The following CFAP47 variants were observed in gnomAD, a reference collection of about 807,000 sequenced individuals.
CFAP47 encodes the protein cilia- and flagella-associated protein 47.
In CFAP47, 29 loss-of-function variants were observed where a neutral mutation model predicts 148.1. The observed-to-expected ratio is 0.20, with a 90% confidence interval of 0.15 to 0.27. CFAP47 has a LOEUF of 0.27. CFAP47 is among the 10% of genes least tolerant of loss of function. CFAP47 has a pLI of 1.00. For synonymous variants in CFAP47, 664 were observed against 577.3 expected, an observed-to-expected ratio of 1.15 and a Z score of -2.15; for missense variants, 1,872 against 1,697.5, an observed-to-expected ratio of 1.10 and a Z score of -1.81.
intron 26 of CFAP47, among the ~76,000 whole-genome samples, chrX:36,056,818 T>C: frequency 8.9e-6 from 1 of 111,998 alleles, no homozygotes; most frequent in East Asian, 2.8e-4. Flanking sequence ...CTCTTTTAAC[T>C]GATTAAGACA....
chrX:35,998,598 A>T (rs1161801440), intron 19 of CFAP47, among the ~76,000 whole-genome samples: 2 of 111,784 alleles, frequency 1.8e-5, no homozygotes, highest in African/African-American at 6.5e-5. Flanking sequence ...TTGCTGCCTC[A>T]GGTAGGGGGC....
chrX:36,353,547 C>G lies in CFAP47; in HGVS notation c.8717C>G (p.Ser2906Cys), dbSNP rs1407952389. The G allele has an allele frequency of 8.6e-7, 1 of 1,162,476 alleles. No individual in the cohort carries two copies. The highest frequency in any genetic ancestry group is 1.1e-6 in the Non-Finnish European group (1 of 870,481). ...KSPPVVIQCQ[S>C]RKRAEEKVEI... ...CCTGCAGTTGTCATACAATGTCAGT[C>G]CAGGAAGCGGGCAGAAGAGAAGGTA... Residue 2906 changes from serine (S) to cysteine (C), a missense_variant, in exon 60 of 64, where the codon TCC becomes TGC. Coordinates refer to ENST00000378653, the MANE Select transcript of CFAP47 (RefSeq NM_001304548.2).
chrX:35,930,551 T>G (rs1935811892), intron 2 of CFAP47, among the ~76,000 whole-genome samples: 1 of 111,572 alleles, frequency 9.0e-6, no homozygotes, highest in Non-Finnish European at 1.9e-5. Context: ...AATGGTAGAA[T>G]TCTCTAGTGG....
intron 36 of CFAP47, among the ~76,000 whole-genome samples, chrX:36,146,426 C>T (rs998774410): frequency 9.0e-6 from 1 of 111,715 alleles, no homozygotes; most frequent in Non-Finnish European, 1.9e-5. Flanking sequence ...TTTATTTTCT[C>T]ATTTTATTAT....
rs1569324411 is a variant in CFAP47 at position 36,353,751 on chromosome X, C to T, written c.8851+70C>T. The T allele has an allele frequency of 2.4e-5, 20 of 827,624 alleles. No homozygotes were observed. In the East Asian group the frequency reaches 4.6e-4, roughly 19 times the overall value. The allele number at this position is 827,624 out of a possible 1,213,427, so 68.2% of individuals were successfully genotyped here. On this transcript the variant is annotated intron_variant, in intron 60 of 63. Coordinates refer to ENST00000378653, the MANE Select transcript of CFAP47 (RefSeq NM_001304548.2). ...CTTAGTTTCCATGAATTGCAGGTTG[C>T]TGATTGTGCAGTTACATTAAGATCC...
At chrX:36,332,925 G>C (rs782357191) in intron 57 of CFAP47, among the ~76,000 whole-genome samples, 1 of 112,055 alleles carries the variant, frequency 8.9e-6, no homozygotes, top group Admixed American at 9.4e-5. Flanking sequence ...ATATACATAG[G>C]TTTAGGTAAT....
At chrX:36,065,606 T>A (rs1278779070) in intron 26 of CFAP47, 37 bp from the exon 27 acceptor site, 2 of 880,853 alleles carry the variant, frequency 2.3e-6, no homozygotes, top group Non-Finnish European at 3.3e-6. Flanking sequence ...GCATCTGAAA[T>A]TTTTATTGTA....
intron 27 of CFAP47, among the ~76,000 whole-genome samples, chrX:36,066,319 C>T (rs912814139): frequency 1.7e-4 from 11 of 64,945 alleles, no homozygotes; most frequent in African/African-American, 6.6e-4. Context: ...ATTTTCAGTG[C>T]TGAATTAGAG....
chrX:36,215,803 A>G, intron 45 of CFAP47, among the ~76,000 whole-genome samples: 1 of 111,491 alleles, frequency 9.0e-6, no homozygotes, highest in East Asian at 2.8e-4. Flanking sequence ...AATACTAGGG[A>G]CAATAGAGGC....
At chrX:36,263,178 G>C (rs1940850326) in intron 49 of CFAP47, among the ~76,000 whole-genome samples, 1 of 111,870 alleles carries the variant, frequency 8.9e-6, no homozygotes, top group Non-Finnish European at 1.9e-5. Flanking sequence ...TCACTTTGTT[G>C]ATAGTTTCTT....
chrX:36,174,651 A>G (rs1372206056), intron 39 of CFAP47, among the ~76,000 whole-genome samples: 6 of 110,716 alleles, frequency 5.4e-5, no homozygotes, highest in East Asian at 5.6e-4. Flanking sequence ...TGGCTTGTAG[A>G]GTTTCTGCCG....
chrX:36,164,865 G>A (rs974945473), intron 39 of CFAP47, among the ~76,000 whole-genome samples: 7 of 111,100 alleles, frequency 6.3e-5, no homozygotes, highest in African/African-American at 2.3e-4. Flanking sequence ...GTTAACTATT[G>A]GCACTATATT....
intron 46 of CFAP47, among the ~76,000 whole-genome samples, chrX:36,235,186 C>T (rs189425632): frequency 1.1e-3 from 126 of 111,781 alleles, no homozygotes; most frequent in African/African-American, 3.8e-3. Context: ...GAGGTTACTG[C>T]TGTCTTTTTG....
At chrX:36,306,975 A>C (rs1556008982) in intron 55 of CFAP47, 99 bp downstream of exon 55, 1 of 355,246 alleles carries the variant, frequency 2.8e-6, no homozygotes, top group Non-Finnish European at 4.5e-6. Flanking sequence ...CATATTTTGC[A>C]AGTAAAACAA....
intron 30 of CFAP47, among the ~76,000 whole-genome samples, chrX:36,092,278 G>T (rs1938198759): frequency 9.0e-6 from 1 of 111,151 alleles, no homozygotes; most frequent in South Asian, 3.7e-4. Context: ...AATAGATAAT[G>T]AATTACCTTA....
intron 33 of CFAP47, among the ~76,000 whole-genome samples, chrX:36,117,812 T>C (rs1938667191): frequency 1.8e-5 from 2 of 111,938 alleles, no homozygotes; most frequent in South Asian, 7.4e-4. Context: ...TAAAGAAATT[T>C]TGACACAGAT....
chrX:36,253,411 A>G (rs1427853284), intron 49 of CFAP47, among the ~76,000 whole-genome samples: 2 of 111,482 alleles, frequency 1.8e-5, no homozygotes, highest in Admixed American at 1.9e-4. Flanking sequence ...GACTTAAACT[A>G]TAGATTAAAC....
At chrX:36,340,279 G>T (rs181471787) in intron 57 of CFAP47, among the ~76,000 whole-genome samples, 1 of 111,770 alleles carries the variant, frequency 8.9e-6, no homozygotes, top group East Asian at 2.8e-4. Context: ...TGTTTTGACA[G>T]CAAGGAGTTA....
intron 57 of CFAP47, among the ~76,000 whole-genome samples, chrX:36,331,062 T>C (rs1213267205): frequency 1.8e-5 from 2 of 111,724 alleles, no homozygotes; most frequent in African/African-American, 6.5e-5. Flanking sequence ...TGTCTGTACT[T>C]CTTTACCACC....
Sources: allele counts gnomAD v4.1 joint callset (sites outside exome capture counted in the v4.1 genomes callset), GRCh38; gene constraint gnomAD v4.1.1; transcripts MANE v1.5; gene names NCBI Gene and HGNC (gene_info 2026-07-23, HGNC 2026-07-21).